UBE3A: variants seen among roughly 807,000 people sequenced by gnomAD.
UBE3A encodes ubiquitin protein ligase E3A.
A neutral mutation model predicts 83.4 loss-of-function variants in UBE3A; 6 were observed. That is an observed-to-expected ratio of 0.07 (90% CI 0.04 to 0.14). UBE3A has a LOEUF of 0.14. Among genes scored for constraint, UBE3A ranks in the 10% least tolerant of loss-of-function variants. The pLI is 1.00. For synonymous variants in UBE3A, 337 were observed against 355.4 expected, an observed-to-expected ratio of 0.95 and a Z score of 0.58; for missense variants, 456 against 1,036.1, an observed-to-expected ratio of 0.44 and a Z score of 7.69.
At chr15:25,422,976 A>C (rs1890273343) in intron 1 of UBE3A, among the ~76,000 whole-genome samples, 1 of 151,318 alleles carries the variant, frequency 6.6e-6, no homozygotes, top group Non-Finnish European at 1.5e-5. Context: ...TGACAGAGTG[A>C]GATCCTATCT....
At chr15:25,401,223 G>C (rs909489073) in intron 4 of UBE3A, among the ~76,000 whole-genome samples, 1 of 152,034 alleles carries the variant, frequency 6.6e-6, no homozygotes, top group Non-Finnish European at 1.5e-5. Context: ...ATTTTCTTCA[G>C]AATTTCTGCA....
intron 6 of UBE3A, among the ~76,000 whole-genome samples, chr15:25,362,987 A>G (rs2078373222): frequency 6.6e-6 from 1 of 152,180 alleles, no homozygotes; most frequent in Admixed American, 6.5e-5. Context: ...CTCCTTATCA[A>G]TGTAAAACCT....
intron 3 of UBE3A, 142 bp downstream of exon 3, chr15:25,408,946 G>A (rs1260060258): frequency 5.8e-5 from 50 of 864,114 alleles, no homozygotes; most frequent in Non-Finnish European, 3.5e-6. Context: ...ATATTTTAAG[G>A]AGATTAAATG....
intron 5 of UBE3A, chr15:25,373,979 C>T (rs1038401059): frequency 2.6e-5 from 4 of 152,140 alleles, no homozygotes; most frequent in Non-Finnish European, 5.9e-5. Context: ...TTAAAAACCT[C>T]CTACGCAAAA....
At chr15:25,372,395 C>T (rs1238505027) in intron 5 of UBE3A, among the ~76,000 whole-genome samples, 3 of 152,128 alleles carry the variant, frequency 2.0e-5, no homozygotes, top group East Asian at 1.9e-4. Context: ...CATTTCTCAT[C>T]GGCTCTTAAG....
intron 11 of UBE3A, among the ~76,000 whole-genome samples, chr15:25,341,783 CAAA>C (rs60827150): frequency 2.4e-4 from 20 of 81,636 alleles, no homozygotes; most frequent in Admixed American, 2.8e-4. Flanking sequence ...AATTTCATCT[CAAA>C]AAAAAAAAAA....
chr15:25,369,216 A>C (rs535135555), intron 6 of UBE3A, among the ~76,000 whole-genome samples: 22 of 152,246 alleles, frequency 1.4e-4, no homozygotes, highest in African/African-American at 5.3e-4. Flanking sequence ...TAAGTGAAAT[A>C]AAAAGGGTAC....
At chr15:25,407,030 TC>T (rs1567103642) in intron 3 of UBE3A, 2 of 1,315,028 alleles carry the variant, frequency 1.5e-6, no homozygotes, top group Admixed American at 2.1e-5. Context: ...CTCCACCCTC[TC>T]CCCCAGGGAG....
At chr15:25,352,041 A>C (rs1318472176) in intron 11 of UBE3A, among the ~76,000 whole-genome samples, 2 of 152,114 alleles carry the variant, frequency 1.3e-5, no homozygotes, top group East Asian at 3.9e-4. Context: ...CTAAAAATAC[A>C]AACATTAGCC....
intron 1 of UBE3A, among the ~76,000 whole-genome samples, chr15:25,412,311 T>C (rs778591398): frequency 2.0e-5 from 3 of 152,212 alleles, no homozygotes; most frequent in African/African-American, 4.8e-5. Flanking sequence ...CAAATACCTA[T>C]AGCAATTTTG....
intron 1 of UBE3A, among the ~76,000 whole-genome samples, chr15:25,437,857 G>C (rs891787864): frequency 7.9e-5 from 12 of 151,786 alleles, no homozygotes; most frequent in Non-Finnish European, 1.6e-4. Flanking sequence ...AAAAGGGGGG[G>C]GAAAAAAGGC....
Position 25,333,754 on chromosome 15 carries a change from T to C in UBE3A, c.*5383A>G, listed in dbSNP as rs571167971. On this transcript the variant is annotated 3_prime_UTR_variant, in exon 13 of 13. Transcript: ENST00000648336. ...CCAGCAGCATAGAACAAGGTTTATGTAGCATGGACAACTGAGATTATCCCA... is the reference window on the plus strand; with the variant it reads ...CCAGCAGCATAGAACAAGGTTTATGCAGCATGGACAACTGAGATTATCCCA... 2 of 152,162 alleles carry C rather than the reference T, an allele frequency of 1.3e-5. No individual in the cohort carries two copies. Among genetic ancestry groups the C allele is most frequent in the African/African-American group, 4.8e-5 (2 of 41,438 alleles). The allele number at this position is 152,162 out of a possible 1,614,324, so 9.4% of individuals were successfully genotyped here. A position where few individuals can be genotyped will look rare whatever the true frequency, so the allele number is the denominator to read the frequency against.
chr15:25,378,139 C>T (rs1012541014), intron 4 of UBE3A, among the ~76,000 whole-genome samples: 1 of 152,076 alleles, frequency 6.6e-6, no homozygotes, highest in African/African-American at 2.4e-5. Context: ...TAAATTGTCT[C>T]TGATTTTTAA....
At chr15:25,384,194 T>C (rs1351133351) in intron 4 of UBE3A, among the ~76,000 whole-genome samples, 1 of 152,138 alleles carries the variant, frequency 6.6e-6, no homozygotes, top group Non-Finnish European at 1.5e-5. Context: ...ACGTGGTGGC[T>C]CACGCCTGTA....
At chr15:25,339,341 T>A in intron 12 of UBE3A, 84 bp from the exon 13 acceptor site, 1 of 1,536,028 alleles carries the variant, frequency 6.5e-7, no homozygotes, top group South Asian at 1.2e-5. Context: ...ATTTTTAGAT[T>A]GTATATAGTT....
At position 25,379,990 on chromosome 15, in the gene UBE3A, A is replaced by T. The variant is rs28397621; in HGVS notation, c.63-4227T>A. Among the ~76,000 whole-genome samples the T allele has an allele frequency of 3.9e-5, 6 of 152,194 alleles. No homozygotes were observed. The East Asian group carries it at 9.7e-4, about 25-fold the overall frequency. Reference sequence around the variant, plus strand: ...TGTCCCCACCCAAATCTCATCTTGAATTGTACTCCCATAATTCTCATGTGT... The same window carrying T: ...TGTCCCCACCCAAATCTCATCTTGATTTGTACTCCCATAATTCTCATGTGT... On this transcript the variant is annotated intron_variant, in intron 4 of 12. Transcript: ENST00000648336.
At chr15:25,415,945 A>C (rs1418530341) in intron 1 of UBE3A, 1 of 152,070 alleles carries the variant, frequency 6.6e-6, no homozygotes, top group Non-Finnish European at 1.5e-5. Context: ...TTCTTCCCAA[A>C]TTAACACAAA....
At position 25,339,051 on chromosome 15, in the gene UBE3A, T is replaced by G; in HGVS notation, c.*86A>C. The G allele has an allele frequency of 7.1e-7, 1 of 1,400,270 alleles. No individual in the cohort carries two copies. Among genetic ancestry groups the G allele is most frequent in the East Asian group, 2.6e-5 (1 of 38,908 alleles). The allele number at this position is 1,400,270 out of a possible 1,614,324, so 86.7% of individuals were successfully genotyped here. ...CTGGGACACTATCACCACCAAAAATTTATCCCTCGTTATATTTTTAAAATT... is the reference window on the plus strand; with the variant it reads ...CTGGGACACTATCACCACCAAAAATGTATCCCTCGTTATATTTTTAAAATT... On this transcript the variant is annotated 3_prime_UTR_variant, in exon 13 of 13. Transcript: ENST00000648336.
In UBE3A at chr15:25,354,355, A is replaced by C; in HGVS notation, c.2352T>G (p.Ile784Met). 1 of 1,613,068 alleles carries C rather than the reference A, an allele frequency of 6.2e-7. No individual in the cohort carries two copies. The highest frequency in any genetic ancestry group is 8.5e-7 in the Non-Finnish European group (1 of 1,179,792). The change falls in exon 11 of 13, where the codon ATT (isoleucine) becomes ATG (methionine). Residue 784 changes from isoleucine (I) to methionine (M), a missense_variant and splice_region_variant. Physicochemically the swap from Ile to Met is conservative, Grantham distance 10. Transcript: ENST00000648336. ...DGGYTRDSVL[I>M]REFWEIVHSF... ...CTCTGAAGAACTAAGTACCTCACCT[A>C]ATCAGAACAGAGTCCCTGGTATAGC...
Sources: allele counts gnomAD v4.1 joint callset (sites outside exome capture counted in the v4.1 genomes callset), GRCh38; gene constraint gnomAD v4.1.1; transcripts MANE v1.5; gene names NCBI Gene and HGNC (gene_info 2026-07-23, HGNC 2026-07-21).